Variants in UPP2 observed in about 807,000 individuals in gnomAD.
The protein encoded by UPP2 is uridine phosphorylase 2.
UPP2 carries 23 observed loss-of-function variants against 26.7 expected under a neutral mutation model. That is an observed-to-expected ratio of 0.86 (90% confidence interval 0.62 to 1.22). UPP2 has a LOEUF of 1.22. UPP2 is among the 50% of genes most tolerant of loss of function. The probability of loss-of-function intolerance (pLI) is 0.00; values close to 1 mark genes in which losing one functional copy is unlikely to be tolerated. For synonymous variants in UPP2, 127 were observed against 141.3 expected, an observed-to-expected ratio of 0.90 and a Z score of 0.72; for missense variants, 387 against 396.7, an observed-to-expected ratio of 0.98 and a Z score of 0.21.
At chr2:158,019,622 G>C (rs1232942684) in intron 3 of UPP2, among the ~76,000 whole-genome samples, 1 of 142,100 alleles carries the variant, frequency 7.0e-6, no homozygotes, top group African/African-American at 2.6e-5. Context: ...AAAGTGGAAG[G>C]AAATACAATC....
chr2:158,044,170 G>C (rs1684119070), intron 3 of UPP2, among the ~76,000 whole-genome samples: 2 of 152,212 alleles, frequency 1.3e-5, no homozygotes, highest in Admixed American at 6.5e-5. Context: ...GTTAGATTTA[G>C]ACTAGCGGTA....
At chr2:158,074,690 TACACACACACACACAC>T (rs56277459) in intron 3 of UPP2, among the ~76,000 whole-genome samples, 3 of 135,404 alleles carry the variant, frequency 2.2e-5, no homozygotes, top group Non-Finnish European at 3.1e-5. Flanking sequence ...AAGACCTTCA[TACACACACACACACAC>T]ACACACACAC....
chr2:158,055,410 T>G (rs1682231337), intron 3 of UPP2, among the ~76,000 whole-genome samples: 1 of 152,212 alleles, frequency 6.6e-6, no homozygotes, highest in Non-Finnish European at 1.5e-5. Flanking sequence ...GGATTAAGTT[T>G]CAACCTGAAT....
At chr2:158,008,105 A>G (rs1683522388) in intron 2 of UPP2, among the ~76,000 whole-genome samples, 1 of 152,252 alleles carries the variant, frequency 6.6e-6, no homozygotes, top group Non-Finnish European at 1.5e-5. Flanking sequence ...AAGTAAAGAT[A>G]TTTCAAATTC....
At chr2:158,008,349 T>G (rs1361062680) in intron 2 of UPP2, among the ~76,000 whole-genome samples, 3 of 152,200 alleles carry the variant, frequency 2.0e-5, no homozygotes, top group African/African-American at 7.2e-5. Context: ...TGCTGAATTA[T>G]TTACTGTATT....
intron 3 of UPP2, among the ~76,000 whole-genome samples, chr2:158,059,925 A>G (rs1682326977): frequency 6.6e-6 from 1 of 152,170 alleles, no homozygotes; most frequent in Non-Finnish European, 1.5e-5. Context: ...CTGAGATTCT[A>G]ATCTCATCAA....
chr2:158,087,785 A>T (rs185665002), intron 3 of UPP2, among the ~76,000 whole-genome samples: 275 of 152,222 alleles, frequency 1.8e-3, no homozygotes, highest in African/African-American at 3.9e-3. Context: ...TTCTTGGCTG[A>T]TAATTGTTTT....
At chr2:158,111,160 C>T (rs1167460347) in intron 2 of UPP2, among the ~76,000 whole-genome samples, 3 of 151,956 alleles carry the variant, frequency 2.0e-5, no homozygotes, top group Admixed American at 1.3e-4. Flanking sequence ...TTAAGTCTTG[C>T]CGATTCCCTT....
chr2:158,122,370 T>C (rs1683588743), intron 5 of UPP2, among the ~76,000 whole-genome samples: 1 of 152,106 alleles, frequency 6.6e-6, no homozygotes, highest in Non-Finnish European at 1.5e-5. Flanking sequence ...ATATTGAATT[T>C]TAAAAAATTA....
At chr2:158,090,526 C>A (rs753074182) in intron 3 of UPP2, among the ~76,000 whole-genome samples, 15 of 145,502 alleles carry the variant, frequency 1.0e-4, no homozygotes, top group Admixed American at 2.0e-4. Context: ...ACCCAAAAAA[C>A]AAACAAACAA....
At chr2:158,062,929 C>G (rs1682375149) in intron 3 of UPP2, among the ~76,000 whole-genome samples, 1 of 152,122 alleles carries the variant, frequency 6.6e-6, no homozygotes, top group African/African-American at 2.4e-5. Context: ...TGTTGGGTAT[C>G]TGATACGTTT....
chr2:158,037,029 T>C, intron 3 of UPP2, among the ~76,000 whole-genome samples: 1 of 152,310 alleles, frequency 6.6e-6, no homozygotes, highest in South Asian at 2.1e-4. Context: ...CTCAGATTCA[T>C]TCCTATCTCA....
At position 158,115,241 on chromosome 2, in the gene UPP2, G is replaced by T. The variant is rs1291917935; in HGVS notation, c.321G>T (p.Gly107=). The T allele has an allele frequency of 6.2e-7, 1 of 1,609,218 alleles. No homozygotes were observed. The highest frequency in any genetic ancestry group is 8.5e-7 in the Non-Finnish European group (1 of 1,178,104). The part of the protein sequence containing the change: ...GTDRYCMYKT[G]PVLAISHGMG... ...ACAGATACTGTATGTACAAAACCGG[G>T]CCTGTGCTCGCCATCAGTGTAAGTA... Residue 107 remains glycine (G), a synonymous_variant, in exon 3 of 7, where the codon GGG becomes GGT. Coordinates refer to ENST00000005756, the MANE Select transcript of UPP2 (RefSeq NM_173355.4).
At chr2:158,009,850 CA>C (rs1292296041) in intron 2 of UPP2, among the ~76,000 whole-genome samples, 1 of 152,208 alleles carries the variant, frequency 6.6e-6, no homozygotes, top group Non-Finnish European at 1.5e-5. Flanking sequence ...TCTCGTAAGG[CA>C]AAGGGCTATG....
chr2:158,075,566 AAAC>A (rs1682618359), intron 3 of UPP2, among the ~76,000 whole-genome samples: 1 of 152,110 alleles, frequency 6.6e-6, no homozygotes, highest in Non-Finnish European at 1.5e-5. Flanking sequence ...CATGGAATTT[AAAC>A]AATATGCTCC....
chr2:158,115,154 G>A lies in UPP2; in HGVS notation c.234G>A (p.Met78Ile), dbSNP rs1479469379. 2 of 1,613,540 alleles carry A rather than the reference G, an allele frequency of 1.2e-6. No individual in the cohort carries two copies. The highest frequency in any genetic ancestry group is 8.5e-7 in the Non-Finnish European group (1 of 1,179,870). The change falls in exon 3 of 7, where the codon ATG becomes ATA. Residue 78 changes from methionine (M) to isoleucine (I), a missense_variant. By Grantham distance (10) the Met-to-Ile change is conservative (BLOSUM62 1). Transcript: ENST00000005756. Reference protein sequence around the residue: ...PNRMKAFALFMHKELGFEEAE... With the variant: ...PNRMKAFALFIHKELGFEEAE... ...GAATGAAAGCATTTGCACTGTTTAT[G>A]CACAAGGAGCTCGGGTTTGAGGAAG...
chr2:158,122,020 A>G (rs1295289286), intron 5 of UPP2, among the ~76,000 whole-genome samples: 1 of 151,986 alleles, frequency 6.6e-6, no homozygotes, highest in African/African-American at 2.4e-5. Flanking sequence ...ATGGGGAGAA[A>G]TGCTTGGGGA....
At chr2:158,033,657 A>AGC (rs1449137922) in intron 3 of UPP2, among the ~76,000 whole-genome samples, 29 of 152,272 alleles carry the variant, frequency 1.9e-4, no homozygotes, top group Admixed American at 1.6e-3. Context: ...TCTATGCAAG[A>AGC]TCTACCTGCA....
At chr2:158,036,153 T>C (rs1293046809) in intron 3 of UPP2, among the ~76,000 whole-genome samples, 1 of 152,254 alleles carries the variant, frequency 6.6e-6, no homozygotes, top group Non-Finnish European at 1.5e-5. Context: ...TAAAATTAGA[T>C]ACATTATCAT....
Sources: allele counts gnomAD v4.1 joint callset (sites outside exome capture counted in the v4.1 genomes callset), GRCh38; gene constraint gnomAD v4.1.1; transcripts MANE v1.5; gene names NCBI Gene and HGNC (gene_info 2026-07-23, HGNC 2026-07-21).